Variants in CPSF2 observed in about 807,000 individuals in gnomAD.
CPSF2 encodes the protein cleavage and polyadenylation specificity factor subunit 2.
In CPSF2, 51 loss-of-function variants were observed where a neutral mutation model predicts 84.2. The observed-to-expected ratio is 0.61, with a 90% CI of 0.48 to 0.77. The LOEUF (loss-of-function observed/expected upper bound fraction) is 0.77. CPSF2 is among the 30% of genes least tolerant of loss of function. CPSF2 has a pLI of 0.00. For synonymous variants in CPSF2, 286 were observed against 311.9 expected (o/e 0.92, Z 0.87); for missense variants, 641 against 929.4 (o/e 0.69, Z 4.03).
At chr14:92,158,021 G>GAACAA (rs2069314057) in intron 13 of CPSF2, 137 bp downstream of exon 13, 1 of 639,988 alleles carries the variant, frequency 1.6e-6, no homozygotes, top group African/African-American at 1.8e-5. Flanking sequence ...ATAGGGTATG[G>GAACAA]GGCTTAGAAC....
chr14:92,135,269 T>C, intron 5 of CPSF2, 98 bp from the exon 6 acceptor site: 1 of 1,056,206 alleles, frequency 9.5e-7, no homozygotes, highest in South Asian at 2.1e-5. Flanking sequence ...TATTATTGCA[T>C]ATACAGTATT....
Position 92,168,254 on chromosome 14 carries a change from A to G in CPSF2, c.*6510A>G, listed in dbSNP as rs2141493494. The G allele has an allele frequency of 6.6e-6, 1 of 151,624 alleles. No homozygotes were observed. Among genetic ancestry groups the G allele is most frequent in the East Asian group, 1.9e-4 (1 of 5,162 alleles). The allele number at this position is 151,624 out of a possible 1,614,324, so 9.4% of individuals were successfully genotyped here. ...CAGAGCGCAACTCTGTCTCCAAAAA[A>G]AAAAAAAAAAAAGGGCAGGGGGAGC... On this transcript the variant is annotated 3_prime_UTR_variant, in exon 16 of 16. Coordinates refer to ENST00000298875, the MANE Select transcript of CPSF2 (RefSeq NM_017437.3).
At chr14:92,126,366 G>A (rs1202797664) in intron 2 of CPSF2, among the ~76,000 whole-genome samples, 186 bp downstream of exon 2, 3 of 152,214 alleles carry the variant, frequency 2.0e-5, no homozygotes, top group Non-Finnish European at 4.4e-5. Flanking sequence ...AATTAAGGAA[G>A]ACTTAAGTAG....
chr14:92,138,401 A>G (rs1029580164), intron 7 of CPSF2, 54 bp downstream of exon 7: 5 of 942,078 alleles, frequency 5.3e-6, no homozygotes, highest in African/African-American at 3.5e-5. Flanking sequence ...CTTTTTGTAT[A>G]TTTAGGGAAT....
Position 92,134,033 on chromosome 14 carries a change from G to A in CPSF2, c.172G>A (p.Val58Met), listed in dbSNP as rs2068968476. 1 of 1,614,196 alleles carries A rather than the reference G, an allele frequency of 6.2e-7. No individual in the cohort carries two copies. ...LRKHVHQIDA[V>M]LLSHPDPLHL... The stretch of plus-strand genomic sequence containing the variant: ...TAGGCATGTTCACCAGATTGATGCA[G>A]TGCTGTTGTCTCACCCTGATCCTCT... Residue 58 changes from valine to methionine, a missense_variant, in exon 4 of 16, where the codon GTG becomes ATG. Physicochemically the swap from Val to Met is conservative, Grantham distance 21. Coordinates refer to ENST00000298875, the MANE Select transcript of CPSF2 (RefSeq NM_017437.3).
intron 2 of CPSF2, among the ~76,000 whole-genome samples, chr14:92,127,179 C>T (rs1298474947): frequency 2.0e-5 from 3 of 151,980 alleles, no homozygotes; most frequent in Admixed American, 2.0e-4. Flanking sequence ...AGGTGACAGA[C>T]AAAGCAAGTA....
intron 3 of CPSF2, among the ~76,000 whole-genome samples, chr14:92,132,289 C>T (rs1382387339): frequency 6.6e-6 from 1 of 151,750 alleles, no homozygotes; most frequent in African/African-American, 2.4e-5. Flanking sequence ...CATGCACCAC[C>T]CGGCCGGCTA....
chr14:92,169,676 CA>C lies in CPSF2; in HGVS notation c.*7935del, dbSNP rs1206410642. ...TTTTTTTTTTTTTTTTTTTTTGAGA[CA>C]AACTTGCAGGGAGAGAATTATGTGG... On this transcript the variant is annotated 3_prime_UTR_variant, in exon 16 of 16. Coordinates refer to ENST00000298875, the MANE Select transcript of CPSF2 (RefSeq NM_017437.3). The C allele has an allele frequency of 1.1e-4, 13 of 117,426 alleles. No individual in the cohort carries two copies. In the East Asian group the frequency reaches 3.3e-3, roughly 30 times the overall value. 7.3% of individuals were successfully genotyped at this position (117,426 alleles called of 1,614,324 possible). A position where few individuals can be genotyped will look rare whatever the true frequency, so the allele number is the denominator to read the frequency against.
chr14:92,152,639 A>G (rs1302628226), intron 9 of CPSF2, among the ~76,000 whole-genome samples: 1 of 151,282 alleles, frequency 6.6e-6, no homozygotes, highest in African/African-American at 2.4e-5. Context: ...GGGTTTCACC[A>G]TGTTGGCCAG....
chr14:92,126,864 C>A (rs904304492), intron 2 of CPSF2, among the ~76,000 whole-genome samples: 4 of 152,096 alleles, frequency 2.6e-5, no homozygotes, highest in Non-Finnish European at 5.9e-5. Flanking sequence ...ATTTATTGAA[C>A]AACCACTATG....
intron 3 of CPSF2, among the ~76,000 whole-genome samples, chr14:92,131,888 C>A (rs2141454113): frequency 6.6e-6 from 1 of 151,904 alleles, no homozygotes; most frequent in African/African-American, 2.4e-5. Context: ...CAGTATTATA[C>A]TAATTTTGCA....
At position 92,142,988 on chromosome 14, in the gene CPSF2, T is replaced by C. The variant is rs947691237; in HGVS notation, c.850-16T>C. On this transcript the variant is annotated splice_polypyrimidine_tract_variant and intron_variant, in intron 8 of 15. Transcript: ENST00000298875. ...TATAGTATTTCTAATTCTTGTCATC[T>C]TTCCCCCCATGTTAGGTAGAATGGA... The C allele has an allele frequency of 3.2e-6, 5 of 1,575,540 alleles. No homozygotes were observed. The highest frequency in any genetic ancestry group is 4.3e-6 in the Non-Finnish European group (5 of 1,155,826).
At chr14:92,137,952 A>T (rs559477271) in intron 6 of CPSF2, among the ~76,000 whole-genome samples, 2 of 152,166 alleles carry the variant, frequency 1.3e-5, no homozygotes, top group Admixed American at 1.3e-4. Flanking sequence ...AAAGAAAAAT[A>T]AAAAAAATAC....
chr14:92,169,814 CG>C lies in CPSF2; in HGVS notation c.*8071del, dbSNP rs1200379905. 5 of 151,930 alleles carry C rather than the reference CG, an allele frequency of 3.3e-5. No individual in the cohort carries two copies. In the East Asian group the frequency reaches 9.6e-4, roughly 29 times the overall value. 9.4% of individuals were successfully genotyped at this position (151,930 alleles called of 1,614,324 possible). Reference sequence around the variant, plus strand: ...ATACTTTTACCTAAGATAATGAAACCGTTAAGTAGAGATTTTTCTAATAGTA... The same window carrying C: ...ATACTTTTACCTAAGATAATGAAACCTTAAGTAGAGATTTTTCTAATAGTA... On this transcript the variant is annotated 3_prime_UTR_variant, in exon 16 of 16. Transcript: ENST00000298875.
intron 7 of CPSF2, among the ~76,000 whole-genome samples, chr14:92,140,255 A>G (rs1213992612): frequency 1.3e-5 from 2 of 151,784 alleles, no homozygotes; most frequent in African/African-American, 4.8e-5. Flanking sequence ...CCCTGCCACT[A>G]AAAGTGTAAC....
chr14:92,143,678 T>TC (rs1442415852), intron 9 of CPSF2, among the ~76,000 whole-genome samples: 2 of 152,210 alleles, frequency 1.3e-5, no homozygotes, highest in Non-Finnish European at 2.9e-5. Context: ...CTATCATAGT[T>TC]CCGTGCAGCC....
intron 7 of CPSF2, 89 bp downstream of exon 7, chr14:92,138,436 CT>C (rs796826689): frequency 0.029 from 14,188 of 489,644 alleles, 2 homozygotes; most frequent in South Asian, 0.037. Context: ...GTACAGGTTT[CT>C]TTTTTTTTTT....
intron 2 of CPSF2, among the ~76,000 whole-genome samples, chr14:92,126,976 C>G (rs1257516108): frequency 6.6e-6 from 1 of 152,070 alleles, no homozygotes; most frequent in African/African-American, 2.4e-5. Context: ...TGGATGGGTT[C>G]TGGTTTATGG....
rs753661309 is a variant in CPSF2 at position 92,159,128 on chromosome 14, A to G, written c.1967A>G (p.Asp656Gly). ...VILEEGELKD[D>G]GEDSEMQVEA... ...TTAGAAGAAGGAGAACTAAAGGATG[A>G]TGGAGAAGACTCAGAGATGCAAGTG... The change falls in exon 14 of 16, where the codon GAT (aspartate) becomes GGT (glycine). Residue 656 changes from aspartate (D) to glycine (G), a missense_variant. Asp to Gly is a moderately conservative substitution (Grantham distance 94). Transcript: ENST00000298875. 3 of 1,614,108 alleles carry G rather than the reference A, an allele frequency of 1.9e-6. No homozygotes were observed. The highest frequency in any genetic ancestry group is 2.5e-6 in the Non-Finnish European group (3 of 1,179,998).
Sources: allele counts gnomAD v4.1 joint callset (sites outside exome capture counted in the v4.1 genomes callset), GRCh38; gene constraint gnomAD v4.1.1; transcripts MANE v1.5; gene names NCBI Gene and HGNC (gene_info 2026-07-23, HGNC 2026-07-21).